CSMD2: variants seen among roughly 807,000 people sequenced by gnomAD.
CSMD2 encodes the protein CUB and Sushi multiple domains 2.
Under a neutral mutation model 398.5 loss-of-function variants are expected in CSMD2, and 130 were observed. The ratio of observed to expected loss-of-function variants is 0.33; its 90% CI spans 0.28 to 0.38. The LOEUF (loss-of-function observed/expected upper bound fraction) is 0.38. Ranked by LOEUF, CSMD2 falls within the 10% of genes least tolerant of loss-of-function variation. The probability of loss-of-function intolerance (pLI) is 1.00; values close to 1 mark genes in which losing one functional copy is unlikely to be tolerated. For missense variants in CSMD2, 3,829 were observed against 4,764.9 expected, an observed-to-expected ratio of 0.80 and a Z score of 5.78; for synonymous variants, 1,828 against 1,908.5, an observed-to-expected ratio of 0.96 and a Z score of 1.10.
At chr1:33,782,945 C>A (rs775221399) in intron 12 of CSMD2, among the ~76,000 whole-genome samples, 1 of 151,976 alleles carries the variant, frequency 6.6e-6, no homozygotes, top group Non-Finnish European at 1.5e-5. Flanking sequence ...CTCCATGTGG[C>A]AGATGGGTAG....
chr1:33,624,406 G>A lies in CSMD2; in HGVS notation c.5625+113C>T. ...GTACAGGGCTGATATGTCTCTTCCT[G>A]GCTCACCCTGACTCAGGCCTTGGCA... On this transcript the variant is annotated intron_variant, in intron 35 of 70. Coordinates refer to ENST00000373381, the MANE Select transcript of CSMD2 (RefSeq NM_001281956.2). The surrounding 1 kb of genome is among the most constrained non-coding windows in gnomAD (Gnocchi z 4.7). 1 of 1,374,646 alleles carries A rather than the reference G, an allele frequency of 7.3e-7. No homozygotes were observed. The highest frequency in any genetic ancestry group is 1.0e-6 in the Non-Finnish European group (1 of 999,698). The allele number at this position is 1,374,646 out of a possible 1,614,324, so 85.2% of individuals were successfully genotyped here. A position where few individuals can be genotyped will look rare whatever the true frequency, so the allele number is the denominator to read the frequency against.
In CSMD2 at chr1:33,768,570, G is replaced by A. The variant is rs190052614; in HGVS notation, c.1846+3999C>T. Among the ~76,000 whole-genome samples the A allele has an allele frequency of 4.4e-3, 640 of 145,640 alleles. 8 individuals are homozygous for A. Among genetic ancestry groups the A allele is most frequent in the Non-Finnish European group, 5.3e-3 (347 of 65,168 alleles). ...TGTGTGTGTGTGTGTGTGTGTGTGTGTGTGTGTGTCACCAGAACAGAAGGT... is the reference window on the plus strand; with the variant it reads ...TGTGTGTGTGTGTGTGTGTGTGTGTATGTGTGTGTCACCAGAACAGAAGGT... On this transcript the variant is annotated intron_variant, in intron 13 of 70. Transcript: ENST00000373381.
intron 3 of CSMD2, among the ~76,000 whole-genome samples, chr1:33,957,495 A>G (rs56364684): frequency 0.016 from 2,363 of 152,290 alleles, 55 homozygotes; most frequent in African/African-American, 0.054. Context: ...ATAAGTGTCC[A>G]GGACTTTCTG....
At chr1:34,043,779 G>C (rs1652154569) in intron 2 of CSMD2, among the ~76,000 whole-genome samples, 1 of 152,104 alleles carries the variant, frequency 6.6e-6, no homozygotes, top group Non-Finnish European at 1.5e-5. Flanking sequence ...CAAACATTAT[G>C]GTTTATGCTG....
At chr1:33,993,706 G>A (rs553634523) in intron 3 of CSMD2, among the ~76,000 whole-genome samples, 1 of 152,034 alleles carries the variant, frequency 6.6e-6, no homozygotes, top group Non-Finnish European at 1.5e-5. Flanking sequence ...ATACTATCTA[G>A]TTTCTATCTA....
chr1:34,137,265 C>T (rs1638847674), intron 1 of CSMD2, among the ~76,000 whole-genome samples: 1 of 150,756 alleles, frequency 6.6e-6, no homozygotes, highest in Non-Finnish European at 1.5e-5. Flanking sequence ...GGCAAAGAGA[C>T]TGCGGCAAGC....
intron 3 of CSMD2, among the ~76,000 whole-genome samples, chr1:34,023,945 G>A (rs1287594356): frequency 1.3e-5 from 2 of 151,562 alleles, no homozygotes; most frequent in African/African-American, 4.8e-5. Flanking sequence ...CTCTGTGCCA[G>A]GCACTTGTCA....
At chr1:33,933,561 G>A (rs961681527) in intron 4 of CSMD2, among the ~76,000 whole-genome samples, 3 of 152,026 alleles carry the variant, frequency 2.0e-5, no homozygotes, top group Non-Finnish European at 2.9e-5. Flanking sequence ...TTCTATCATC[G>A]TGTCACAACT....
At chr1:33,865,399 CAAA>C (rs56728239) in intron 5 of CSMD2, among the ~76,000 whole-genome samples, 4 of 120,906 alleles carry the variant, frequency 3.3e-5, no homozygotes, top group Admixed American at 8.3e-5. Flanking sequence ...CAGATTTTAC[CAAA>C]AAAAAAAAAA....
In CSMD2 at chr1:33,935,794, G is replaced by A. The variant is rs755116589; in HGVS notation, c.678C>T (p.Ser226=). The A allele has an allele frequency of 1.1e-5, 18 of 1,612,794 alleles. No homozygotes were observed. The highest frequency in any genetic ancestry group is 3.3e-5 in the South Asian group (3 of 90,858). ...VLTCHAGSEN[S]ATWDFPLPSC... ...AAGGCAGGGGGAAGTCCCACGTGGC[G>A]CTGTTCTCAGAGCCAGCGTGGCAGG... Residue 226 remains serine (S), a synonymous_variant, in exon 4 of 71, where the codon AGC becomes AGT. Transcript: ENST00000373381.
At chr1:33,968,279 G>A (rs1645633301) in intron 3 of CSMD2, among the ~76,000 whole-genome samples, 1 of 152,166 alleles carries the variant, frequency 6.6e-6, no homozygotes, top group African/African-American at 2.4e-5. Context: ...ACCTCTTGCT[G>A]TCCATCTTTA....
chr1:33,618,143 T>C (rs1334267473), intron 37 of CSMD2, among the ~76,000 whole-genome samples: 1 of 152,166 alleles, frequency 6.6e-6, no homozygotes, highest in Non-Finnish European at 1.5e-5. Context: ...GAAAAGTGTG[T>C]TAGCAGATAA....
At chr1:33,648,029 G>A (rs950004331) in intron 28 of CSMD2, among the ~76,000 whole-genome samples, 4 of 152,166 alleles carry the variant, frequency 2.6e-5, no homozygotes, top group African/African-American at 9.6e-5. Flanking sequence ...TCTACTTGAT[G>A]GGTGTCAAAA....
intron 5 of CSMD2, among the ~76,000 whole-genome samples, chr1:33,873,207 C>G (rs562979018): frequency 1.3e-5 from 2 of 152,112 alleles, no homozygotes; most frequent in Non-Finnish European, 2.9e-5. Flanking sequence ...GGTGCTCCCA[C>G]GGGAGGAGAT....
At position 33,688,878 on chromosome 1, in the gene CSMD2, T is replaced by C. The variant is rs992620955; in HGVS notation, c.4052+4052A>G. Among the ~76,000 whole-genome samples the C allele has an allele frequency of 3.3e-4, 51 of 152,290 alleles. 1 individual carries two copies. The highest frequency in any genetic ancestry group is 1.2e-3 in the African/African-American group (49 of 41,556). On this transcript the variant is annotated intron_variant, in intron 25 of 70. Transcript: ENST00000373381. ...AAAAATTCTATAAAGATATTTCTAA[T>C]AAAAAAGATAATAACTAAATAAGGA...
chr1:33,909,410 C>T (rs1006226416), intron 5 of CSMD2, among the ~76,000 whole-genome samples: 1 of 152,138 alleles, frequency 6.6e-6, no homozygotes, highest in Admixed American at 6.5e-5. Flanking sequence ...TGTTATTCCC[C>T]ATCCTGTTCA....
rs111391552 is a variant in CSMD2, at chr1:33,671,341, A to C, written c.4053-8249T>G. Among the ~76,000 whole-genome samples, 60 of 152,206 alleles carry C rather than the reference A, an allele frequency of 3.9e-4. 5 individuals carry two copies. The highest frequency in any genetic ancestry group is 1.3e-3 in the African/African-American group (56 of 41,522). Reference sequence around the variant, plus strand: ...AGGTTGCATCTTGGGCACTCATGATAATCTGCAGTCTAACTCCAGCAAGTA... The same window carrying C: ...AGGTTGCATCTTGGGCACTCATGATCATCTGCAGTCTAACTCCAGCAAGTA... On this transcript the variant is annotated intron_variant, in intron 25 of 70. Coordinates refer to ENST00000373381, the MANE Select transcript of CSMD2 (RefSeq NM_001281956.2).
intron 1 of CSMD2, among the ~76,000 whole-genome samples, chr1:34,159,907 G>T (rs751308000): frequency 6.6e-6 from 1 of 152,156 alleles, no homozygotes; most frequent in East Asian, 1.9e-4. Context: ...CACTGGACTC[G>T]TTGCATCTCT....
chr1:33,712,750 G>A (rs1403609014), intron 21 of CSMD2, among the ~76,000 whole-genome samples: 2 of 152,182 alleles, frequency 1.3e-5, no homozygotes, highest in African/African-American at 4.8e-5. Flanking sequence ...CTTTCCCAGA[G>A]ACTAAAGGAG....
Sources: allele counts gnomAD v4.1 joint callset (sites outside exome capture counted in the v4.1 genomes callset), GRCh38; gene constraint gnomAD v4.1.1; non-coding constraint Gnocchi (gnomAD v3.1); transcripts MANE v1.5; gene names NCBI Gene and HGNC (gene_info 2026-07-23, HGNC 2026-07-21).